Variants in HYDIN observed in about 807,000 individuals in gnomAD.
HYDIN encodes the protein HYDIN axonemal central pair apparatus protein, also known as axonemal central pair apparatus protein HYDIN.
HYDIN carries 132 observed loss-of-function variants against 403.9 expected under a neutral mutation model. The observed-to-expected ratio is 0.33, with a 90% CI of 0.28 to 0.38. The LOEUF (loss-of-function observed/expected upper bound fraction) is 0.38, where lower values mean the gene tolerates loss of function less well. HYDIN is among the 10% of genes least tolerant of loss of function. HYDIN has a pLI of 1.00. For synonymous variants in HYDIN, 1,202 were observed against 1,891.7 expected, an observed-to-expected ratio of 0.64 and a Z score of 9.46; for missense variants, 2,827 against 5,009.5, an observed-to-expected ratio of 0.56 and a Z score of 13.15.
intron 5 of HYDIN, among the ~76,000 whole-genome samples, chr16:71,170,006 G>C (rs775778237): frequency 1.1e-4 from 16 of 152,150 alleles, no homozygotes; most frequent in Non-Finnish European, 2.1e-4. Flanking sequence ...TGAGGAAAGA[G>C]AAAATGAATG....
chr16:70,812,357 C>T (rs1256378537), intron 84 of HYDIN, among the ~76,000 whole-genome samples: 6 of 151,536 alleles, frequency 4.0e-5, no homozygotes, highest in African/African-American at 1.2e-4. Flanking sequence ...TGCATGGTGG[C>T]GCATATCTGT....
At chr16:70,985,157 A>G in intron 28 of HYDIN, 28 bp downstream of exon 28, 1 of 1,611,370 alleles carries the variant, frequency 6.2e-7, no homozygotes, top group Non-Finnish European at 8.5e-7. Flanking sequence ...GTAGGTTTGA[A>G]TTCGGGCCCC....
intron 58 of HYDIN, among the ~76,000 whole-genome samples, chr16:70,884,642 T>C (rs1018791208): frequency 3.3e-5 from 5 of 151,528 alleles, no homozygotes; most frequent in African/African-American, 1.2e-4. Flanking sequence ...AGAACAGGTG[T>C]GAAGCATGTA....
chr16:71,052,845 T>A, intron 18 of HYDIN, among the ~76,000 whole-genome samples: 1 of 139,588 alleles, frequency 7.2e-6, no homozygotes, highest in Admixed American at 7.3e-5. Context: ...AGTAAGAACC[T>A]GAAAAAAAAA....
intron 41 of HYDIN, among the ~76,000 whole-genome samples, chr16:70,947,783 A>G (rs1160789587): frequency 2.0e-5 from 3 of 152,144 alleles, no homozygotes; most frequent in Non-Finnish European, 4.4e-5. Flanking sequence ...AGAACTACAA[A>G]TCACTGCTCA....
intron 8 of HYDIN, among the ~76,000 whole-genome samples, chr16:71,133,716 C>A (rs1485261155): frequency 6.6e-6 from 1 of 151,962 alleles, no homozygotes; most frequent in Non-Finnish European, 1.5e-5. Flanking sequence ...ATACAGTGAA[C>A]GTGATAAGAA....
At chr16:70,829,871 C>T (rs1330496086) in intron 80 of HYDIN, 41 bp from the exon 81 acceptor site, 1 of 1,573,848 alleles carries the variant, frequency 6.4e-7, no homozygotes, top group East Asian at 2.2e-5. Flanking sequence ...GGCACTTCCC[C>T]CTGGTCCGTC....
chr16:70,966,635 T>C (rs1380042057), intron 36 of HYDIN, among the ~76,000 whole-genome samples: 1 of 149,828 alleles, frequency 6.7e-6, no homozygotes, highest in Non-Finnish European at 1.5e-5. Flanking sequence ...GAATACCTTA[T>C]GAGGAAACAA....
chr16:71,145,314 G>A (rs975826711), intron 7 of HYDIN, among the ~76,000 whole-genome samples: 5 of 151,770 alleles, frequency 3.3e-5, no homozygotes, highest in Non-Finnish European at 5.9e-5. Context: ...GAGTGTAGTG[G>A]CACGATCTTG....
At chr16:70,837,660 A>C (rs769845931) in intron 77 of HYDIN, 30 bp downstream of exon 77, 19 of 1,613,056 alleles carry the variant, frequency 1.2e-5, no homozygotes, top group Non-Finnish European at 1.6e-5. Flanking sequence ...GGAGGGTGCC[A>C]CGCCTGAAGG....
intron 25 of HYDIN, among the ~76,000 whole-genome samples, chr16:70,990,471 A>G (rs993527557): frequency 3.4e-5 from 5 of 145,632 alleles, no homozygotes; most frequent in Non-Finnish European, 6.0e-5. Flanking sequence ...TTGCTTTCAT[A>G]GACTTTTTTC....
Position 70,978,935 on chromosome 16 carries a change from C to T in HYDIN, c.4617G>A (p.Val1539=), listed in dbSNP as rs747158053. 1 of 1,613,884 alleles carries T rather than the reference C, an allele frequency of 6.2e-7. No individual in the cohort carries two copies. The highest frequency in any genetic ancestry group is 8.5e-7 in the Non-Finnish European group (1 of 1,180,016). The change falls in exon 30 of 86, where the codon GTG becomes GTA. Residue 1539 remains valine (V), a synonymous_variant. Coordinates refer to ENST00000393567, the MANE Select transcript of HYDIN (RefSeq NM_001270974.2). ...LDHFDIITEE[V]PEDEPAEVSA... is the part of the protein sequence containing the mutation. ...TTACCTCAGCAGGCTCGTCTTCTGG[C>T]ACTTCCTCAGTTATTATGTCAAAGT...
At chr16:70,850,284 C>A (rs1279533683) in intron 74 of HYDIN, among the ~76,000 whole-genome samples, 164 bp downstream of exon 74, 1 of 147,622 alleles carries the variant, frequency 6.8e-6, no homozygotes, top group Non-Finnish European at 1.5e-5. Flanking sequence ...GCATTCACAT[C>A]ATATCTACAT....
At chr16:70,853,303 G>A (rs74776469) in intron 73 of HYDIN, among the ~76,000 whole-genome samples, 3 of 151,260 alleles carry the variant, frequency 2.0e-5, no homozygotes, top group South Asian at 2.1e-4. Context: ...CATTTTCACC[G>A]TTTTTTTTCT....
chr16:71,002,002 T>C (rs1171705753), intron 23 of HYDIN, among the ~76,000 whole-genome samples: 1 of 152,246 alleles, frequency 6.6e-6, no homozygotes, highest in Non-Finnish European at 1.5e-5. Flanking sequence ...TTCATATCTG[T>C]TCTTCTGTGA....
At chr16:71,220,967 C>A (rs955177269) in intron 1 of HYDIN, among the ~76,000 whole-genome samples, 35 of 152,132 alleles carry the variant, frequency 2.3e-4, no homozygotes, top group Non-Finnish European at 1.5e-5. Flanking sequence ...ATCTAGCCAA[C>A]ATCTAACTGA....
chr16:71,226,837 C>T (rs949554698), intron 1 of HYDIN, among the ~76,000 whole-genome samples: 1 of 152,148 alleles, frequency 6.6e-6, no homozygotes, highest in African/African-American at 2.4e-5. Flanking sequence ...CTTCCTTACT[C>T]CTCCCTAATT....
chr16:71,227,238 C>T (rs2041075730), intron 1 of HYDIN, among the ~76,000 whole-genome samples: 1 of 151,676 alleles, frequency 6.6e-6, no homozygotes, highest in South Asian at 2.1e-4. Flanking sequence ...ACTTCTTCAC[C>T]AAAGATATAA....
chr16:71,108,162 C>G (rs1188417415), intron 10 of HYDIN, among the ~76,000 whole-genome samples: 3 of 152,044 alleles, frequency 2.0e-5, no homozygotes, highest in Non-Finnish European at 2.9e-5. Context: ...ACACTGGGGC[C>G]TAGTGGAGGG....
Sources: gnomAD v4.1 joint callset for allele counts (sites outside exome capture counted in the v4.1 genomes callset) on GRCh38, gnomAD v4.1.1 for gene constraint, MANE v1.5 for transcripts, NCBI Gene and HGNC (gene_info 2026-07-23, HGNC 2026-07-21) for gene names.